AMPH: variants seen among roughly 807,000 people sequenced by gnomAD.
AMPH encodes the protein amphiphysin (Stiff-Mann syndrome with breast cancer 128kD autoantigen).
AMPH carries 49 observed loss-of-function variants against 99.1 expected under a neutral mutation model. The observed-to-expected ratio is 0.49, with a 90% CI of 0.39 to 0.63. The LOEUF (loss-of-function observed/expected upper bound fraction) is 0.63, where lower values mean the gene tolerates loss of function less well. Among genes scored for constraint, AMPH ranks in the 20% least tolerant of loss-of-function variants. The probability of loss-of-function intolerance (pLI) is 0.00; values close to 1 mark genes in which losing one functional copy is unlikely to be tolerated. For synonymous variants in AMPH, 314 were observed against 317.3 expected (o/e 0.99, Z 0.11); for missense variants, 759 against 863.4 (o/e 0.88, Z 1.52).
chr7:38,436,257 A>G lies in AMPH; in HGVS notation c.1134+15T>C. ...TTTATGAAATATCTCCAAACATCCA[A>G]AAAGCACCTGATACCTGAGACATGG... On this transcript the variant is annotated intron_variant, in intron 12 of 20. Transcript: ENST00000356264. 6.2e-7 allele frequency: 1 copy of G among 1,600,424 alleles called. No individual in the cohort carries two copies.
intron 2 of AMPH, among the ~76,000 whole-genome samples, chr7:38,511,433 T>C (rs1789537096): frequency 6.6e-6 from 1 of 152,190 alleles, no homozygotes; most frequent in African/African-American, 2.4e-5. Flanking sequence ...AGTTATTTTA[T>C]AGCTTTGAAT....
chr7:38,436,206 T>C, intron 12 of AMPH, 66 bp downstream of exon 12: 1 of 1,163,898 alleles, frequency 8.6e-7, no homozygotes, highest in South Asian at 1.2e-5. Context: ...TAGGGATCAT[T>C]GGTTACCACA....
At chr7:38,631,011 C>T (rs1794439894) in intron 1 of AMPH, among the ~76,000 whole-genome samples, 1 of 152,272 alleles carries the variant, frequency 6.6e-6, no homozygotes, top group Middle Eastern at 3.4e-3. Flanking sequence ...AACCCGGGGC[C>T]GGCTCCGGAG....
At chr7:38,408,204 T>G (rs1785106705) in intron 17 of AMPH, among the ~76,000 whole-genome samples, 1 of 152,184 alleles carries the variant, frequency 6.6e-6, no homozygotes, top group African/African-American at 2.4e-5. Context: ...CCACGGAAAT[T>G]CTGAGACCTC....
intron 17 of AMPH, among the ~76,000 whole-genome samples, chr7:38,410,925 T>C (rs1372914214): frequency 6.6e-6 from 1 of 152,198 alleles, no homozygotes; most frequent in East Asian, 1.9e-4. Context: ...TAAGCATTCG[T>C]TGTGGGAAGT....
chr7:38,408,451 G>T (rs1273943425), intron 17 of AMPH, among the ~76,000 whole-genome samples: 1 of 152,122 alleles, frequency 6.6e-6, no homozygotes, highest in African/African-American at 2.4e-5. Flanking sequence ...AGAAGAGTTT[G>T]GTTTGATAGA....
At chr7:38,580,889 C>T (rs1792429284) in intron 1 of AMPH, among the ~76,000 whole-genome samples, 1 of 152,074 alleles carries the variant, frequency 6.6e-6, no homozygotes, top group Admixed American at 6.6e-5. Context: ...CATCTTATTA[C>T]AAAAGACTTT....
chr7:38,548,967 G>C (rs1791088748), intron 1 of AMPH, among the ~76,000 whole-genome samples: 1 of 152,232 alleles, frequency 6.6e-6, no homozygotes, highest in South Asian at 2.1e-4. Flanking sequence ...GAACATGCCT[G>C]GTTCTCAGGT....
At chr7:38,407,087 TGTGTG>T (rs1785053725) in intron 17 of AMPH, among the ~76,000 whole-genome samples, 1 of 34,222 alleles carries the variant, frequency 2.9e-5, no homozygotes, top group Non-Finnish European at 6.8e-5. Flanking sequence ...TGTGTGTGTG[TGTGTG>T]TGTGTGTGTG....
intron 11 of AMPH, among the ~76,000 whole-genome samples, chr7:38,437,942 C>T (rs879649748): frequency 3.3e-5 from 5 of 152,180 alleles, no homozygotes; most frequent in Admixed American, 6.5e-5. Context: ...TATTCTGCAG[C>T]ACAGTAACTC....
chr7:38,586,313 T>A (rs1317172965), intron 1 of AMPH, among the ~76,000 whole-genome samples: 1 of 152,186 alleles, frequency 6.6e-6, no homozygotes, highest in Non-Finnish European at 1.5e-5. Context: ...CTCATCAGAA[T>A]TTTTAAAAGG....
chr7:38,590,779 G>A (rs1792827296), intron 1 of AMPH, among the ~76,000 whole-genome samples: 1 of 152,130 alleles, frequency 6.6e-6, no homozygotes, highest in African/African-American at 2.4e-5. Context: ...AGCTAGTCCT[G>A]TCTCTCAGAA....
chr7:38,515,923 T>C (rs1341056041), intron 2 of AMPH, among the ~76,000 whole-genome samples: 1 of 152,232 alleles, frequency 6.6e-6, no homozygotes, highest in East Asian at 1.9e-4. Context: ...ATTGTGCCCC[T>C]GCCCTACAGA....
At chr7:38,505,622 G>A (rs866827934) in intron 2 of AMPH, among the ~76,000 whole-genome samples, 1 of 152,132 alleles carries the variant, frequency 6.6e-6, no homozygotes, top group African/African-American at 2.4e-5. Flanking sequence ...TCATGGTGGG[G>A]TTCCAAACAG....
intron 2 of AMPH, among the ~76,000 whole-genome samples, chr7:38,516,995 C>T (rs887624899): frequency 6.6e-6 from 1 of 152,196 alleles, no homozygotes; most frequent in African/African-American, 2.4e-5. Context: ...TACCCAATGC[C>T]TGTATCTCTA....
intron 1 of AMPH, among the ~76,000 whole-genome samples, chr7:38,610,275 AG>A (rs1584302168): frequency 3.9e-4 from 12 of 30,998 alleles, no homozygotes; most frequent in Admixed American, 1.1e-3. Context: ...AAAGAAAGAA[AG>A]AAAGAAAGAA....
chr7:38,478,452 T>A (rs1382279441), intron 5 of AMPH, among the ~76,000 whole-genome samples: 1 of 152,168 alleles, frequency 6.6e-6, no homozygotes. Flanking sequence ...ATTAATTGAT[T>A]CCAACTCTCA....
At chr7:38,591,103 A>G (rs1792838512) in intron 1 of AMPH, among the ~76,000 whole-genome samples, 1 of 152,104 alleles carries the variant, frequency 6.6e-6, no homozygotes, top group African/African-American at 2.4e-5. Flanking sequence ...TGCGGTAAAT[A>G]TCATTATCAT....
intron 11 of AMPH, among the ~76,000 whole-genome samples, chr7:38,460,726 AAG>A (rs1241125679): frequency 6.6e-6 from 1 of 152,198 alleles, no homozygotes; most frequent in Non-Finnish European, 1.5e-5. Flanking sequence ...GGAGGAGATA[AAG>A]AGAGGTTGGT....
Sources: allele counts gnomAD v4.1 joint callset (sites outside exome capture counted in the v4.1 genomes callset), GRCh38; gene constraint gnomAD v4.1.1; transcripts MANE v1.5; gene names NCBI Gene and HGNC (gene_info 2026-07-23, HGNC 2026-07-21).